IQGAP2: variants seen among roughly 807,000 people sequenced by gnomAD.
IQGAP2 encodes ras GTPase-activating-like protein IQGAP2.
In IQGAP2, 173 loss-of-function variants were observed where a neutral mutation model predicts 201.3. The ratio of observed to expected loss-of-function variants is 0.86; its 90% CI spans 0.76 to 0.98. The LOEUF is 0.98. Ranked by LOEUF, IQGAP2 falls within the 50% of genes least tolerant of loss-of-function variation. The pLI is 0.00. For synonymous variants in IQGAP2, 675 were observed against 673.9 expected (o/e 1.00, Z -0.03); for missense variants, 1,687 against 1,864.8 (o/e 0.90, Z 1.76).
intron 35 of IQGAP2, 47 bp from the exon 36 acceptor site, chr5:76,707,153 C>T (rs749858619): frequency 1.1e-6 from 1 of 890,474 alleles, no homozygotes; most frequent in South Asian, 1.4e-5. Context: ...TTTTTAAATG[C>T]ACAAAATGTC....
At chr5:76,694,471 C>A (rs182080516) in intron 31 of IQGAP2, among the ~76,000 whole-genome samples, 6 of 152,272 alleles carry the variant, frequency 3.9e-5, no homozygotes, top group Non-Finnish European at 7.4e-5. Context: ...ATCAACTATA[C>A]CTCTGCACCT....
At chr5:76,509,398 G>A (rs1433599111) in intron 2 of IQGAP2, among the ~76,000 whole-genome samples, 1 of 150,530 alleles carries the variant, frequency 6.6e-6, no homozygotes, top group Non-Finnish European at 1.5e-5. Context: ...GCAATTCCTT[G>A]TCCTTTTTTT....
In IQGAP2 at chr5:76,637,279, A is replaced by G. The variant is rs1255064060; in HGVS notation, c.1923+103A>G. ...AGTGATGAGAGGAACTAACTGATTT[A>G]TCTGAAGTCTGGATATGTAATAAAG... is the stretch of plus-strand genomic sequence containing the variant. On this transcript the variant is annotated intron_variant, in intron 16 of 35. Transcript: ENST00000274364. 4 of 897,140 alleles carry G rather than the reference A, an allele frequency of 4.5e-6. No homozygotes were observed. In the Admixed American group the frequency reaches 1.1e-4, roughly 24 times the overall value. 55.6% of individuals were successfully genotyped at this position (897,140 alleles called of 1,614,324 possible).
rs1484863878 is a variant in IQGAP2, at chr5:76,658,576, C to A, written c.2438C>A (p.Thr813Asn). The change falls in exon 21 of 36, where the codon ACC becomes AAC. Residue 813 changes from threonine to asparagine, a missense_variant. Thr to Asn is a moderately conservative substitution (Grantham distance 65). Transcript: ENST00000274364. ...GCACGATTAAGGGAAGAAGTAGTGA[C>A]CAAGATCAGGGCCAATCAACAGCTG... ...EVARLREEVV[T>N]KIRANQQLEK... 1 of 1,614,022 alleles carries A rather than the reference C, an allele frequency of 6.2e-7. No homozygotes were observed. The highest frequency in any genetic ancestry group is 8.5e-7 in the Non-Finnish European group (1 of 1,179,990).
intron 22 of IQGAP2, among the ~76,000 whole-genome samples, chr5:76,667,073 G>A (rs147717455): frequency 1.3e-3 from 193 of 152,198 alleles, no homozygotes; most frequent in Non-Finnish European, 1.8e-3. Context: ...AACCAAAGCC[G>A]CAGTCAGCTA....
chr5:76,642,218 C>T (rs1424453152), intron 17 of IQGAP2, among the ~76,000 whole-genome samples: 1 of 152,064 alleles, frequency 6.6e-6, no homozygotes, highest in Non-Finnish European at 1.5e-5. Flanking sequence ...TTTCACGTGT[C>T]AGCCAATATA....
chr5:76,504,722 CTT>C (rs1366670621), intron 2 of IQGAP2, among the ~76,000 whole-genome samples: 2 of 152,234 alleles, frequency 1.3e-5, no homozygotes, highest in African/African-American at 4.8e-5. Context: ...TATTTGGTCT[CTT>C]TCACGTCCTT....
At chr5:76,665,452 G>A (rs1391245164) in intron 22 of IQGAP2, among the ~76,000 whole-genome samples, 1 of 152,188 alleles carries the variant, frequency 6.6e-6, no homozygotes, top group Non-Finnish European at 1.5e-5. Flanking sequence ...CAGGGGTTTT[G>A]AAACGCAGGC....
intron 17 of IQGAP2, among the ~76,000 whole-genome samples, chr5:76,650,917 A>G (rs964681164): frequency 2.6e-5 from 4 of 152,176 alleles, no homozygotes; most frequent in Non-Finnish European, 5.9e-5. Context: ...AAATACTTAT[A>G]TATGGGGCTT....
chr5:76,517,048 C>G (rs1758373812), intron 2 of IQGAP2, among the ~76,000 whole-genome samples: 1 of 152,002 alleles, frequency 6.6e-6, no homozygotes, highest in Admixed American at 6.6e-5. Flanking sequence ...AGAGAGCTAT[C>G]AAAAGAAAAC....
intron 2 of IQGAP2, among the ~76,000 whole-genome samples, chr5:76,465,579 C>G (rs1008752297): frequency 6.6e-6 from 1 of 152,088 alleles, no homozygotes; most frequent in Non-Finnish European, 1.5e-5. Context: ...GAAAGGAAGA[C>G]GTGAAACTAT....
chr5:76,492,905 C>G (rs1252785125), intron 2 of IQGAP2, among the ~76,000 whole-genome samples: 1 of 152,132 alleles, frequency 6.6e-6, no homozygotes, highest in Non-Finnish European at 1.5e-5. Context: ...TGAGAAGATT[C>G]CAACCTGAAG....
At chr5:76,506,634 T>C (rs1313464004) in intron 2 of IQGAP2, among the ~76,000 whole-genome samples, 1 of 152,208 alleles carries the variant, frequency 6.6e-6, no homozygotes, top group East Asian at 1.9e-4. Flanking sequence ...TATACAAAAA[T>C]GTACATAATA....
Position 76,481,651 on chromosome 5 carries a change from A to C in IQGAP2, c.146+19982A>C, listed in dbSNP as rs140023880. Among the ~76,000 whole-genome samples, 624 of 152,214 alleles carry C rather than the reference A, an allele frequency of 4.1e-3. 5 individuals are homozygous for C. Among genetic ancestry groups the C allele is most frequent in the African/African-American group, 0.015 (605 of 41,536 alleles). The stretch of plus-strand genomic sequence containing the variant: ...TGCCTGCCTCAGCCTCCCAAAGTGC[A>C]GGGATTACAGGCATGAGCCACCACA... On this transcript the variant is annotated intron_variant, in intron 2 of 35. Transcript: ENST00000274364.
intron 2 of IQGAP2, among the ~76,000 whole-genome samples, chr5:76,559,170 G>T (rs1744160019): frequency 6.6e-6 from 1 of 152,156 alleles, no homozygotes; most frequent in Non-Finnish European, 1.5e-5. Flanking sequence ...CAAAGTGATG[G>T]GATTACAGGC....
intron 4 of IQGAP2, among the ~76,000 whole-genome samples, chr5:76,574,998 G>A (rs1473553924): frequency 2.6e-5 from 4 of 152,132 alleles, no homozygotes; most frequent in Admixed American, 2.0e-4. Flanking sequence ...TCTGTAAAGT[G>A]TTTTAAACAG....
At chr5:76,441,182 T>G (rs1019597648) in intron 1 of IQGAP2, among the ~76,000 whole-genome samples, 1 of 152,226 alleles carries the variant, frequency 6.6e-6, no homozygotes, top group African/African-American at 2.4e-5. Flanking sequence ...ACACAGGTTT[T>G]GTGAGGAGTT....
intron 12 of IQGAP2, chr5:76,606,564 T>C (rs1747822145): frequency 4.4e-6 from 1 of 228,356 alleles, no homozygotes; most frequent in Non-Finnish European, 8.4e-6. Context: ...TGGTTATTTG[T>C]ACTTCAGAGA....
At chr5:76,514,106 C>G (rs1287538959) in intron 2 of IQGAP2, among the ~76,000 whole-genome samples, 1 of 142,992 alleles carries the variant, frequency 7.0e-6, no homozygotes, top group Non-Finnish European at 1.5e-5. Context: ...TTACTGCAAC[C>G]TCTGCTTCCT....
Sources: allele counts gnomAD v4.1 joint callset (sites outside exome capture counted in the v4.1 genomes callset), GRCh38; gene constraint gnomAD v4.1.1; transcripts MANE v1.5; gene names NCBI Gene and HGNC (gene_info 2026-07-23, HGNC 2026-07-21).